Variants in RNF157 observed in about 807,000 individuals in gnomAD.
RNF157 encodes the protein ring finger protein 157, also known as E3 ubiquitin ligase RNF157.
In RNF157, 55 loss-of-function variants were observed where a neutral mutation model predicts 88.3. The ratio of observed to expected loss-of-function variants is 0.62; its 90% CI spans 0.50 to 0.78. RNF157 has a LOEUF of 0.78. Among genes scored for constraint, RNF157 ranks in the 30% least tolerant of loss-of-function variants. The pLI is 0.00. For synonymous variants in RNF157, 334 were observed against 341.2 expected, an observed-to-expected ratio of 0.98 and a Z score of 0.23; for missense variants, 788 against 860.8, an observed-to-expected ratio of 0.92 and a Z score of 1.06.
At chr17:76,200,383 T>C (rs1237149477) in intron 2 of RNF157, among the ~76,000 whole-genome samples, 1 of 152,222 alleles carries the variant, frequency 6.6e-6, no homozygotes, top group Non-Finnish European at 1.5e-5. Context: ...AATGGCATAT[T>C]ATTCAGCCTT....
intron 13 of RNF157, 191 bp from the exon 14 acceptor site, chr17:76,156,512 C>T: frequency 7.1e-7 from 1 of 1,412,532 alleles, no homozygotes; most frequent in South Asian, 1.6e-5. Context: ...ATGACTGCCT[C>T]CCAGGGGAGG....
chr17:76,205,760 T>TAAATAAATAAAA (rs1555660011), intron 2 of RNF157, among the ~76,000 whole-genome samples: 8 of 148,354 alleles, frequency 5.4e-5, no homozygotes, highest in African/African-American at 2.0e-4. Flanking sequence ...AATAAATAAA[T>TAAATAAATAAAA]AAAATAATAA....
intron 1 of RNF157, among the ~76,000 whole-genome samples, chr17:76,223,729 C>CAA (rs1429906364): frequency 6.6e-6 from 1 of 152,054 alleles, no homozygotes; most frequent in Non-Finnish European, 1.5e-5. Context: ...GTTCAACGTA[C>CAA]AGCCTCCCTG....
intron 8 of RNF157, chr17:76,163,188 TC>T (rs1413346817): frequency 7.2e-6 from 1 of 138,234 alleles, no homozygotes; most frequent in African/African-American, 3.0e-5. Context: ...TGGCCCTGTT[TC>T]CTTTTTTTTT....
At chr17:76,231,961 T>G (rs1199504430) in intron 1 of RNF157, among the ~76,000 whole-genome samples, 1 of 152,254 alleles carries the variant, frequency 6.6e-6, no homozygotes, top group Non-Finnish European at 1.5e-5. Context: ...TAAATGTGCT[T>G]CTTCTAGCCA....
intron 1 of RNF157, among the ~76,000 whole-genome samples, chr17:76,223,361 T>A (rs1268126824): frequency 6.6e-6 from 1 of 152,048 alleles, no homozygotes; most frequent in East Asian, 1.9e-4. Context: ...CTAATTTTTG[T>A]ATTTTTAGTA....
intron 2 of RNF157, among the ~76,000 whole-genome samples, chr17:76,187,373 T>TG (rs1275206192): frequency 6.6e-6 from 1 of 150,972 alleles, no homozygotes; most frequent in African/African-American, 2.4e-5. Context: ...TGAGTAGAGA[T>TG]GGGGGTTTCA....
intron 18 of RNF157, 30 bp downstream of exon 18, chr17:76,152,325 C>G (rs771325661): frequency 7.2e-7 from 1 of 1,389,076 alleles, no homozygotes; most frequent in Admixed American, 1.7e-5. Context: ...CGTCTCCCAC[C>G]AAGTTCATGT....
intron 1 of RNF157, among the ~76,000 whole-genome samples, chr17:76,234,471 T>C (rs1256061432): frequency 1.3e-5 from 2 of 152,144 alleles, no homozygotes; most frequent in Non-Finnish European, 2.9e-5. Context: ...GCTGCCCCAT[T>C]TTACATTCAC....
intron 2 of RNF157, among the ~76,000 whole-genome samples, chr17:76,175,474 G>T (rs1371215949): frequency 6.6e-6 from 1 of 152,140 alleles, no homozygotes; most frequent in Non-Finnish European, 1.5e-5. Flanking sequence ...AGTGCATCAG[G>T]AGGCCTTGAC....
intron 1 of RNF157, among the ~76,000 whole-genome samples, chr17:76,217,760 G>A (rs16968738): frequency 0.014 from 2,203 of 152,050 alleles, 55 homozygotes; most frequent in African/African-American, 0.05. Context: ...TTTGCTAACG[G>A]GAAAAAAACA....
rs188392729 is a variant in RNF157, at chr17:76,187,478, C to G, written c.208-13688G>C. Among the ~76,000 whole-genome samples the G allele has an allele frequency of 2.8e-3, 426 of 152,300 alleles. 4 individuals are homozygous for G. The highest frequency in any genetic ancestry group is 9.7e-3 in the African/African-American group (405 of 41,562). On this transcript the variant is annotated intron_variant, in intron 2 of 18. Coordinates refer to ENST00000269391, the MANE Select transcript of RNF157 (RefSeq NM_052916.3). ...GGATTACAGGCATGAGCCACGGCGTCTGGCCAGGATTTTATTTTCTTTAGT... is the reference window on the plus strand; with the variant it reads ...GGATTACAGGCATGAGCCACGGCGTGTGGCCAGGATTTTATTTTCTTTAGT...
intron 1 of RNF157, among the ~76,000 whole-genome samples, chr17:76,232,137 CT>C (rs1340225212): frequency 6.6e-6 from 1 of 152,174 alleles, no homozygotes; most frequent in African/African-American, 2.4e-5. Flanking sequence ...AATTCCTGCA[CT>C]TTGAGAGGCC....
At chr17:76,183,375 C>T (rs1191088413) in intron 2 of RNF157, among the ~76,000 whole-genome samples, 2 of 152,240 alleles carry the variant, frequency 1.3e-5, no homozygotes, top group East Asian at 1.9e-4. Context: ...AGGTTAGAGA[C>T]CCCACTGAAA....
intron 1 of RNF157, among the ~76,000 whole-genome samples, chr17:76,223,964 C>T (rs2070033292): frequency 6.6e-6 from 1 of 152,200 alleles, no homozygotes; most frequent in Non-Finnish European, 1.5e-5. Context: ...GCCAGAGCAG[C>T]TCCAGACACT....
At position 76,240,073 on chromosome 17, in the gene RNF157, G is replaced by C; in HGVS notation, c.88+80C>G. The C allele has an allele frequency of 1.2e-6, 1 of 823,012 alleles. No individual in the cohort carries two copies. Among genetic ancestry groups the C allele is most frequent in the Non-Finnish European group, 1.6e-6 (1 of 626,670 alleles). 51.0% of individuals were successfully genotyped at this position (823,012 alleles called of 1,614,324 possible). A position where few individuals can be genotyped will look rare whatever the true frequency, so the allele number is the denominator to read the frequency against. On this transcript the variant is annotated intron_variant, in intron 1 of 18. Transcript: ENST00000269391. This position sits in a 1 kb window ranked among gnomAD's most constrained non-coding sequence, Gnocchi z 4.4. ...CACTGAGTCCCCGAAGACCCGCGGG[G>C]CCCCCTCAGGCCGTCCCGACCCAGA...
At chr17:76,219,353 C>A (rs1013220321) in intron 1 of RNF157, among the ~76,000 whole-genome samples, 2 of 151,504 alleles carry the variant, frequency 1.3e-5, no homozygotes, top group Non-Finnish European at 2.9e-5. Flanking sequence ...AAATGGCCAG[C>A]CTTAAGCCAA....
At chr17:76,197,790 G>C (rs2069502081) in intron 2 of RNF157, among the ~76,000 whole-genome samples, 1 of 152,130 alleles carries the variant, frequency 6.6e-6, no homozygotes, top group Admixed American at 6.5e-5. Flanking sequence ...TTTTAAGAGT[G>C]GCAGAATCAA....
At chr17:76,184,622 C>T (rs1479413611) in intron 2 of RNF157, among the ~76,000 whole-genome samples, 1 of 152,142 alleles carries the variant, frequency 6.6e-6, no homozygotes, top group African/African-American at 2.4e-5. Flanking sequence ...CTGCAGTAAA[C>T]CTCTTTTCAC....
Sources: gnomAD v4.1 joint callset for allele counts (sites outside exome capture counted in the v4.1 genomes callset) on GRCh38, gnomAD v4.1.1 for gene constraint, Gnocchi (gnomAD v3.1) non-coding constraint, MANE v1.5 for transcripts, NCBI Gene and HGNC (gene_info 2026-07-23, HGNC 2026-07-21) for gene names.